The following EIF2B4 variants were observed in gnomAD, a reference collection of about 807,000 sequenced individuals.
EIF2B4 encodes the protein eukaryotic translation initiation factor 2B subunit delta, also known as translation initiation factor eIF2B subunit delta.
Under a neutral mutation model 66.7 loss-of-function variants are expected in EIF2B4, and 34 were observed. The ratio of observed to expected loss-of-function variants is 0.51; its 90% CI spans 0.39 to 0.68. EIF2B4 has a LOEUF of 0.68. Among genes scored for constraint, EIF2B4 ranks in the 30% least tolerant of loss-of-function variants. The probability of loss-of-function intolerance (pLI) is 0.00; values close to 1 mark genes in which losing one functional copy is unlikely to be tolerated. For missense variants in EIF2B4, 618 were observed against 657.9 expected (o/e 0.94, Z 0.66); for synonymous variants, 278 against 253.6 (o/e 1.10, Z -0.92).
At chr2:27,369,284 C>A in intron 3 of EIF2B4, 72 bp from the exon 4 acceptor site, 1 of 1,607,512 alleles carries the variant, frequency 6.2e-7, no homozygotes, top group African/African-American at 1.3e-5. Context: ...AAACTAGCTT[C>A]TCTCCTTGTA....
chr2:27,367,928 TCCC>T, intron 7 of EIF2B4, 94 bp downstream of exon 7: 7 of 1,463,662 alleles, frequency 4.8e-6, no homozygotes, highest in Non-Finnish European at 6.6e-6. Context: ...GTAGGAGTAT[TCCC>T]TCTGTCCCCC....
intron 12 of EIF2B4, 48 bp from the exon 13 acceptor site, chr2:27,364,647 A>G (rs1472611540): frequency 1.2e-6 from 2 of 1,614,120 alleles, no homozygotes; most frequent in Non-Finnish European, 1.7e-6. Flanking sequence ...AAGAAGTTCT[A>G]GTTTATCCGC....
chr2:27,369,780 A>T (rs1363747658), intron 2 of EIF2B4, 96 bp downstream of exon 2: 1 of 1,487,058 alleles, frequency 6.7e-7, no homozygotes, highest in African/African-American at 1.4e-5. Context: ...TTACTGAGAA[A>T]TAAACCGACA....
rs1178064509 is a variant in EIF2B4, at chr2:27,364,870, G to C, written c.1220C>G (p.Ala407Gly). 1.2e-6 allele frequency: 2 copies of C among 1,614,164 alleles called. No homozygotes were observed. The highest frequency in any genetic ancestry group is 1.7e-5 in the Admixed American group (1 of 60,012). ...EVSKVLLGAH[A>G]LLANGSVMSR... ...CATCACAGACCCGTTGGCCAAGAGT[G>C]CATGAGCTCCCAATAGCACCTTGGA... The change falls in exon 12 of 13, where the codon GCA becomes GGA. Residue 407 changes from alanine (A) to glycine (G), a missense_variant. Coordinates refer to ENST00000347454, the MANE Select transcript of EIF2B4 (RefSeq NM_001034116.2).
chr2:27,368,923 G>C (rs1682090298), intron 4 of EIF2B4, 83 bp downstream of exon 4: 26 of 1,549,228 alleles, frequency 1.7e-5, no homozygotes, highest in Non-Finnish European at 2.2e-5. Flanking sequence ...AAGAATGAGA[G>C]GGGAGAGCTG....
intron 2 of EIF2B4, 84 bp downstream of exon 2, chr2:27,369,792 G>T: frequency 6.7e-7 from 1 of 1,495,184 alleles, no homozygotes; most frequent in South Asian, 1.3e-5. Flanking sequence ...AAACCGACAC[G>T]GGATGGGAGC....
chr2:27,366,855 T>C lies in EIF2B4; in HGVS notation c.1095A>G (p.Pro365=), dbSNP rs776461313. The C allele has an allele frequency of 1.4e-5, 22 of 1,614,078 alleles. No individual in the cohort carries two copies. The South Asian group carries it at 1.9e-4, about 14-fold the overall frequency. Residue 365 remains proline (P), a synonymous_variant, in exon 11 of 13, where the codon CCA becomes CCG. Coordinates refer to ENST00000347454, the MANE Select transcript of EIF2B4 (RefSeq NM_001034116.2). ...RFRVVVVDSR[P]WLEGRHTLRS... ...GTAGTGTGTGCCTTCCTTCCAGCCA[T>C]GGCCGGCTGTCCACCACTACCACCC...
rs1185397024 is a variant in EIF2B4 at position 27,368,722 on chromosome 2, G to A, written c.430C>T (p.Leu144Phe). The A allele has an allele frequency of 6.2e-7, 1 of 1,614,172 alleles. No homozygotes were observed. Among genetic ancestry groups the A allele is most frequent in the South Asian group, 1.1e-5 (1 of 91,086 alleles). The stretch of plus-strand genomic sequence containing the variant: ...TCATCAACCTGAGGGTACTCAGGGA[G>A]ACGCTTCACTCCTGAAAGATAATCA... Reference protein sequence around the residue: ...AGETPSGVKRLPEYPQVDDLL... With the variant: ...AGETPSGVKRFPEYPQVDDLL... Residue 144 changes from leucine (L) to phenylalanine (F), a missense_variant, in exon 5 of 13, where the codon CTC (leucine) becomes TTC (phenylalanine). Around this residue, in one of 4 missense-constraint regions of EIF2B4, gnomAD observed 506 missense variants for 511.9 expected, o/e 0.99. Coordinates refer to ENST00000347454, the MANE Select transcript of EIF2B4 (RefSeq NM_001034116.2).
intron 11 of EIF2B4, chr2:27,365,940 T>C (rs2148370807): frequency 6.6e-6 from 1 of 152,518 alleles, no homozygotes; most frequent in Middle Eastern, 3.4e-3. Context: ...AGTGGTGCAA[T>C]GACAGCTCAC....
At position 27,366,956 on chromosome 2, in the gene EIF2B4, G is replaced by A. The variant is rs1186865000; in HGVS notation, c.1014-20C>T. 1.2e-6 allele frequency: 2 copies of A among 1,613,830 alleles called. No homozygotes were observed. Among genetic ancestry groups the A allele is most frequent in the African/African-American group, 2.7e-5 (2 of 74,762 alleles). On this transcript the variant is annotated intron_variant, in intron 10 of 12. Transcript: ENST00000347454. ...GATGAGCTAGAGTGAATGAAGAGGA[G>A]GATTCAGTTATAAATGTCAGTAACT...
At position 27,370,271 on chromosome 2, in the gene EIF2B4, G is replaced by A. The variant is rs747983242; in HGVS notation, c.31+13C>T. On this transcript the variant is annotated intron_variant, in intron 1 of 12. Transcript: ENST00000347454. ...CTCCGCGTACCAGTAGGCAGGCCCG[G>A]CTCTTCACTCACCCTCGCGAACAGC... 9 of 1,549,306 alleles carry A rather than the reference G, an allele frequency of 5.8e-6. No homozygotes were observed. The highest frequency in any genetic ancestry group is 4.7e-5 in the South Asian group (4 of 84,550).
chr2:27,368,522 C>T, intron 5 of EIF2B4, 59 bp from the exon 6 acceptor site: 1 of 1,574,066 alleles, frequency 6.4e-7, no homozygotes, highest in Middle Eastern at 1.7e-4. Flanking sequence ...TGGGATAAAG[C>T]TGGAAAGGAA....
Position 27,368,116 on chromosome 2 carries a change from G to C in EIF2B4, c.614C>G (p.Pro205Arg). The change falls in exon 7 of 13, where the codon CCA becomes CGA. Residue 205 changes from proline to arginine, a missense_variant. Pro to Arg is a moderately radical substitution (Grantham distance 103). Coordinates refer to ENST00000347454, the MANE Select transcript of EIF2B4 (RefSeq NM_001034116.2). ...FMSIPSSVIHPAMVRLGLQYS... is the reference protein window; with the variant it reads ...FMSIPSSVIHRAMVRLGLQYS... ...CTGCAGGCCGAGTCGCACCATGGCT[G>C]GGTGGATCACAGAGGATGGGATGCT... The C allele has an allele frequency of 6.3e-7, 1 of 1,595,568 alleles. No homozygotes were observed. The highest frequency in any genetic ancestry group is 8.5e-7 in the Non-Finnish European group (1 of 1,170,732).
chr2:27,369,890 G>C lies in EIF2B4; in HGVS notation c.61C>G (p.Pro21Ala). The C allele has an allele frequency of 1.9e-6, 3 of 1,584,696 alleles. No individual in the cohort carries two copies. The highest frequency in any genetic ancestry group is 2.6e-6 in the Non-Finnish European group (3 of 1,165,868). ...DSGSGMKAEL[P>A]PGPGAVGREM... ...GCCTCACTTACCCCAGGCCCAGGGG[G>C]AAGCTCCGCCTTCATCCCGGATCCC... is the stretch of plus-strand genomic sequence containing the variant. The change falls in exon 2 of 13, where the codon CCC becomes GCC. Residue 21 changes from proline to alanine, a missense_variant. Pro to Ala is a conservative substitution (Grantham distance 27, BLOSUM62 -1). Around this residue, in one of 4 missense-constraint regions of EIF2B4, gnomAD observed 506 missense variants for 511.9 expected, o/e 0.99. Transcript: ENST00000347454.
intron 1 of EIF2B4, 115 bp downstream of exon 1, chr2:27,370,169 C>G (rs1159895776): frequency 2.6e-6 from 4 of 1,544,338 alleles, no homozygotes; most frequent in East Asian, 4.9e-5. Flanking sequence ...TAGACCGGAG[C>G]CCAGCGTGGC....
chr2:27,368,543 A>G, intron 5 of EIF2B4, 80 bp from the exon 6 acceptor site: 2 of 1,552,478 alleles, frequency 1.3e-6, no homozygotes, highest in Non-Finnish European at 1.8e-6. Context: ...GTGAACAGTA[A>G]GACTACTCTG....
intron 1 of EIF2B4, 25 bp from the exon 2 acceptor site, chr2:27,369,944 G>A (rs1169345638): frequency 1.3e-6 from 2 of 1,570,506 alleles, no homozygotes; most frequent in African/African-American, 1.4e-5. Context: ...AGGGCACAAA[G>A]TGAGCCAGAG....
rs756551239 is a variant in EIF2B4 at position 27,369,926 on chromosome 2, C to T, written c.32-7G>A. ...TTCATCCCGGATCCCGAGTCTGCAT[C>T]AGAAAACAGGGCACAAAGTGAGCCA... On this transcript the variant is annotated splice_region_variant and splice_polypyrimidine_tract_variant and intron_variant, in intron 1 of 12. Transcript: ENST00000347454. 1.9e-5 allele frequency: 30 copies of T among 1,581,514 alleles called. No homozygotes were observed. The highest frequency in any genetic ancestry group is 2.5e-5 in the Non-Finnish European group (29 of 1,164,092).
chr2:27,367,160 T>C lies in EIF2B4; in HGVS notation c.927A>G (p.Gln309=), dbSNP rs1171406266. 1.2e-6 allele frequency: 2 copies of C among 1,614,208 alleles called. No individual in the cohort carries two copies. The highest frequency in any genetic ancestry group is 1.6e-4 in the Middle Eastern group (1 of 6,062). ...CCTGAGCTGCTAGCACAATCTTCTC[T>C]TGCACATACCGATCAATGGCTGCTC... ...ELRAAIDRYV[Q]EKIVLAAQAI... Residue 309 remains glutamine (Q), a synonymous_variant, in exon 10 of 13, where the codon CAA becomes CAG. Transcript: ENST00000347454.
Sources: gnomAD v4.1 joint callset for allele counts on GRCh38, gnomAD v4.1.1 for gene constraint, gnomAD v4.1.1 regional missense constraint, MANE v1.5 for transcripts, NCBI Gene and HGNC (gene_info 2026-07-23, HGNC 2026-07-21) for gene names.